The following DEF8 variants were observed in gnomAD, a reference collection of about 807,000 sequenced individuals.
DEF8 encodes DEF-8.
Under a neutral mutation model 59.1 loss-of-function variants are expected in DEF8, and 38 were observed. That is an observed-to-expected ratio of 0.64 (90% CI 0.50 to 0.84). The LOEUF (loss-of-function observed/expected upper bound fraction) is 0.84, where lower values mean the gene tolerates loss of function less well. Ranked by LOEUF, DEF8 falls within the 40% of genes least tolerant of loss-of-function variation. The pLI is 0.00. For missense variants in DEF8, 557 were observed against 615.2 expected (o/e 0.91, Z 1.00); for synonymous variants, 265 against 250.1 (o/e 1.06, Z -0.56).
chr16:89,965,780 T>C, intron 12 of DEF8, 81 bp from the exon 13 acceptor site: 1 of 868,890 alleles, frequency 1.2e-6, no homozygotes. Flanking sequence ...GAGGGGATGA[T>C]AGGAGCTGAC....
At chr16:89,959,390 A>C in intron 6 of DEF8, 8 of 1,403,824 alleles carry the variant, frequency 5.7e-6, no homozygotes, top group Non-Finnish European at 7.4e-6. Flanking sequence ...TTGTACAATG[A>C]AGAAAAAGGG....
At chr16:89,962,613 G>A (rs759953943) in intron 9 of DEF8, among the ~76,000 whole-genome samples, 1 of 152,100 alleles carries the variant, frequency 6.6e-6, no homozygotes, top group Admixed American at 6.5e-5. Flanking sequence ...CCGAGATCGC[G>A]TCACTGCACT....
chr16:89,963,337 C>G lies in DEF8; in HGVS notation c.922-26C>G. ...CCGCCCTGTGTCCTGGCTGAGGAGGCCTGCCTGCTCCCGCCTTGTTTGCAG... is the reference window on the plus strand; with the variant it reads ...CCGCCCTGTGTCCTGGCTGAGGAGGGCTGCCTGCTCCCGCCTTGTTTGCAG... On this transcript the variant is annotated intron_variant, in intron 9 of 12. Transcript: ENST00000563594. 5 of 1,608,524 alleles carry G rather than the reference C, an allele frequency of 3.1e-6. No individual in the cohort carries two copies. In the South Asian group the frequency reaches 4.4e-5, roughly 14 times the overall value.
Position 89,954,249 on chromosome 16 carries a change from T to C in DEF8, c.-4T>C, listed in dbSNP as rs747989210. 2 of 1,612,126 alleles carry C rather than the reference T, an allele frequency of 1.2e-6. No homozygotes were observed. Among genetic ancestry groups the C allele is most frequent in the Non-Finnish European group, 8.5e-7 (1 of 1,179,824 alleles). On this transcript the variant is annotated 5_prime_UTR_variant, in exon 3 of 13. It removes an upstream start codon present in the reference 5' UTR. Transcript: ENST00000563594. This position sits in a 1 kb window ranked among gnomAD's most constrained non-coding sequence, Gnocchi z 4.3. ...GGCCCTGCCTGGCCCTCAGGTGGGA[T>C]GCTATGGAATATGATGAGAAGCTGG...
intron 10 of DEF8, chr16:89,963,817 A>G: frequency 2.1e-6 from 1 of 486,622 alleles, no homozygotes; most frequent in Non-Finnish European, 3.8e-6. Flanking sequence ...GTGCCTTTCA[A>G]GTAGGGAAGA....
intron 7 of DEF8, among the ~76,000 whole-genome samples, chr16:89,961,361 T>G (rs1413233575): frequency 6.6e-6 from 1 of 152,168 alleles, no homozygotes; most frequent in Non-Finnish European, 1.5e-5. Flanking sequence ...CCTCCCCGTG[T>G]GAAAGCCTCA....
intron 3 of DEF8, 120 bp from the exon 4 acceptor site, chr16:89,955,049 C>T (rs983965502): frequency 3.6e-5 from 27 of 740,434 alleles, no homozygotes; most frequent in Non-Finnish European, 6.2e-5. Context: ...CTCACGGTGC[C>T]TCCTTTCTGT....
Position 89,966,092 on chromosome 16 carries a change from G to C in DEF8, c.*129G>C. ...CCCCCTCCACCCCTGCTGGGCCAGAGCGGGTGGGCAGTGTCAAGGCCCGCT... is the reference window on the plus strand; with the variant it reads ...CCCCCTCCACCCCTGCTGGGCCAGACCGGGTGGGCAGTGTCAAGGCCCGCT... On this transcript the variant is annotated 3_prime_UTR_variant, in exon 13 of 13. Coordinates refer to ENST00000563594, the MANE Select transcript of DEF8 (RefSeq NM_001242818.2). The C allele has an allele frequency of 1.5e-6, 1 of 679,906 alleles. No individual in the cohort carries two copies. Among genetic ancestry groups the C allele is most frequent in the Non-Finnish European group, 2.5e-6 (1 of 407,286 alleles). The allele number at this position is 679,906 out of a possible 1,614,324, so 42.1% of individuals were successfully genotyped here.
Position 89,954,235 on chromosome 16 carries a change from G to T in DEF8, c.-10-8G>T. Reference sequence around the variant, plus strand: ...TGGGGACTCATCCTGGCCCTGCCTGGCCCTCAGGTGGGATGCTATGGAATA... The same window carrying T: ...TGGGGACTCATCCTGGCCCTGCCTGTCCCTCAGGTGGGATGCTATGGAATA... On this transcript the variant is annotated splice_polypyrimidine_tract_variant and splice_region_variant and intron_variant, in intron 2 of 12. Coordinates refer to ENST00000563594, the MANE Select transcript of DEF8 (RefSeq NM_001242818.2). This position sits in a 1 kb window ranked among gnomAD's most constrained non-coding sequence, Gnocchi z 4.3. 6.2e-7 allele frequency: 1 copy of T among 1,610,982 alleles called. No individual in the cohort carries two copies. Among genetic ancestry groups the T allele is most frequent in the Admixed American group, 1.7e-5 (1 of 59,918 alleles).
chr16:89,952,449 C>T (rs545880260), intron 2 of DEF8: 1 of 152,658 alleles, frequency 6.6e-6, no homozygotes, highest in Admixed American at 6.5e-5. Context: ...CTGCTCAGAT[C>T]TGCCTGATCT....
In DEF8 at chr16:89,954,500, C is replaced by G; in HGVS notation, c.124+124C>G. ...TTCCCACGGAGCCGGCACCTGCTGG[C>G]TGTGTTCTTTTTCCCATCTCTTCTG... On this transcript the variant is annotated intron_variant, in intron 3 of 12. Coordinates refer to ENST00000563594, the MANE Select transcript of DEF8 (RefSeq NM_001242818.2). This position sits in a 1 kb window ranked among gnomAD's most constrained non-coding sequence, Gnocchi z 4.3. 2 of 1,090,688 alleles carry G rather than the reference C, an allele frequency of 1.8e-6. No individual in the cohort carries two copies. The highest frequency in any genetic ancestry group is 2.5e-5 in the East Asian group (1 of 40,396). 67.6% of individuals were successfully genotyped at this position (1,090,688 alleles called of 1,614,324 possible).
At chr16:89,960,301 T>C (rs1265402672) in intron 6 of DEF8, among the ~76,000 whole-genome samples, 1 of 150,682 alleles carries the variant, frequency 6.6e-6, no homozygotes, top group African/African-American at 2.4e-5. Context: ...GAGTGAGGAG[T>C]CGCTAAGGGC....
intron 10 of DEF8, chr16:89,963,924 G>C (rs1178024215): frequency 1.7e-6 from 1 of 604,290 alleles, no homozygotes; most frequent in Non-Finnish European, 3.0e-6. Context: ...GCGGGGATGC[G>C]GTGTGGCTGG....
In DEF8 at chr16:89,967,010, C is replaced by T; in HGVS notation, c.*1047C>T. The T allele has an allele frequency of 3.0e-6, 1 of 334,576 alleles. No individual in the cohort carries two copies. Among genetic ancestry groups the T allele is most frequent in the Non-Finnish European group, 5.4e-6 (1 of 185,726 alleles). The allele number at this position is 334,576 out of a possible 1,614,324, so 20.7% of individuals were successfully genotyped here. A position where few individuals can be genotyped will look rare whatever the true frequency, so the allele number is the denominator to read the frequency against. On this transcript the variant is annotated 3_prime_UTR_variant, in exon 13 of 13. Transcript: ENST00000563594. ...CAGGCGTGTGGGAGGTCCCTCACTC[C>T]ACGGGACAGAGGCCCCTGGGCAGCA...
intron 9 of DEF8, among the ~76,000 whole-genome samples, chr16:89,963,104 G>A (rs1335478520): frequency 6.6e-6 from 1 of 152,264 alleles, no homozygotes. Flanking sequence ...TGAGGCTGCT[G>A]GTTCCTAGAC....
At chr16:89,952,737 C>G (rs551132648) in intron 2 of DEF8, 1 of 152,262 alleles carries the variant, frequency 6.6e-6, no homozygotes, top group East Asian at 1.9e-4. Context: ...GTGTCTTCCC[C>G]GTGCCTCCCT....
rs377095109 is a variant in DEF8, at chr16:89,961,881, G to A, written c.807+17G>A. 1,015 of 1,596,890 alleles carry A rather than the reference G, an allele frequency of 6.4e-4. 2 individuals are homozygous for A. Among genetic ancestry groups the A allele is most frequent in the Non-Finnish European group, 8.3e-4 (971 of 1,169,478 alleles). Reference sequence around the variant, plus strand: ...CCTCGAAAGGTGGGGGTTGGAAGGTGGGGGCATCCCCCTGGGGAGGGAGAG... The same window carrying A: ...CCTCGAAAGGTGGGGGTTGGAAGGTAGGGGCATCCCCCTGGGGAGGGAGAG... On this transcript the variant is annotated intron_variant, in intron 8 of 12. Transcript: ENST00000563594.
chr16:89,963,836 A>G (rs919027352), intron 10 of DEF8: 1 of 492,362 alleles, frequency 2.0e-6, no homozygotes, highest in African/African-American at 1.9e-5. Flanking sequence ...GACAAGAAAA[A>G]TACGTTGTGT....
intron 2 of DEF8, among the ~76,000 whole-genome samples, chr16:89,950,886 T>A (rs1472293599): frequency 6.6e-6 from 1 of 152,092 alleles, no homozygotes; most frequent in Admixed American, 6.5e-5. Context: ...GAGGCTAATA[T>A]GGGAGGACCC....
Sources: allele counts gnomAD v4.1 joint callset (sites outside exome capture counted in the v4.1 genomes callset), GRCh38; gene constraint gnomAD v4.1.1; non-coding constraint Gnocchi (gnomAD v3.1); transcripts MANE v1.5; gene names NCBI Gene and HGNC (gene_info 2026-07-23, HGNC 2026-07-21).